CCDC17: variants seen among roughly 807,000 people sequenced by gnomAD.
The protein encoded by CCDC17 is coiled-coil domain-containing protein 17.
A neutral mutation model predicts 68.0 loss-of-function variants in CCDC17; 79 were observed. The ratio of observed to expected loss-of-function variants is 1.16; its 90% CI spans 0.97 to 1.40. The LOEUF (loss-of-function observed/expected upper bound fraction) is 1.40. Ranked by LOEUF, CCDC17 falls within the 40% of genes most tolerant of loss-of-function variation. The pLI is 0.00. For synonymous variants in CCDC17, 376 were observed against 337.5 expected (o/e 1.11, Z -1.25); for missense variants, 846 against 811.5 (o/e 1.04, Z -0.52).
intron 3 of CCDC17, 35 bp downstream of exon 3, chr1:45,623,182 G>A (rs1443323773): frequency 6.5e-7 from 1 of 1,540,538 alleles, no homozygotes; most frequent in Non-Finnish European, 8.8e-7. Flanking sequence ...CGAGGGCAGA[G>A]GAGGTCCTTG....
rs1197907111 is a variant in CCDC17, at chr1:45,620,075, T to G, written c.*200A>C. The G allele has an allele frequency of 1.9e-6, 1 of 526,502 alleles. No individual in the cohort carries two copies. Among genetic ancestry groups the G allele is most frequent in the African/African-American group, 2.0e-5 (1 of 50,008 alleles). 32.6% of individuals were successfully genotyped at this position (526,502 alleles called of 1,614,324 possible). ...ACAAACTCATTTAATCCTTAATCTG[T>G]TTTACAAAAACAGAAGAGGTACAGA... On this transcript the variant is annotated 3_prime_UTR_variant, in exon 13 of 13. Coordinates refer to ENST00000528266, the MANE Select transcript of CCDC17 (RefSeq NM_001114938.3).
At chr1:45,620,860 C>G (rs908853305) in intron 11 of CCDC17, 27 bp from the exon 12 acceptor site, 2 of 1,610,802 alleles carry the variant, frequency 1.2e-6, no homozygotes, top group Admixed American at 1.7e-5. Flanking sequence ...TGGTATTGCA[C>G]TTGTACTTTG....
chr1:45,620,626 G>T, intron 12 of CCDC17, 97 bp downstream of exon 12: 2 of 1,532,330 alleles, frequency 1.3e-6, no homozygotes, highest in South Asian at 1.2e-5. Context: ...CATTGGTAAT[G>T]ACTGGCACAC....
Position 45,621,632 on chromosome 1 carries a change from C to G in CCDC17, c.1184+6G>C. 6.2e-7 allele frequency: 1 copy of G among 1,613,122 alleles called. No individual in the cohort carries two copies. Among genetic ancestry groups the G allele is most frequent in the Non-Finnish European group, 8.5e-7 (1 of 1,179,584 alleles). ...CAGAGGCTGTCGAAGGTGGCACGGGCCTCACCCAGGATCATAGGGTGCAGG... is the reference window on the plus strand; with the variant it reads ...CAGAGGCTGTCGAAGGTGGCACGGGGCTCACCCAGGATCATAGGGTGCAGG... On this transcript the variant is annotated splice_donor_region_variant and intron_variant, in intron 9 of 12. Coordinates refer to ENST00000528266, the MANE Select transcript of CCDC17 (RefSeq NM_001114938.3).
In CCDC17 at chr1:45,621,935, G is replaced by A. The variant is rs929224473; in HGVS notation, c.1028C>T (p.Pro343Leu). The A allele has an allele frequency of 6.2e-7, 1 of 1,610,982 alleles. No homozygotes were observed. Among genetic ancestry groups the A allele is most frequent in the South Asian group, 1.1e-5 (1 of 90,412 alleles). ...ASLQPKGRRD[P>L]PLLPPPVAPP... Reference sequence around the variant, plus strand: ...TGCCACCGGTGGCGGGAGGAGTGGGGGATCTCTCCTCCCCTTCGGTTGTAG... The same window carrying A: ...TGCCACCGGTGGCGGGAGGAGTGGGAGATCTCTCCTCCCCTTCGGTTGTAG... Residue 343 changes from proline (P) to leucine (L), a missense_variant, in exon 8 of 13, where the codon CCC (proline) becomes CTC (leucine). By Grantham distance (98) the Pro-to-Leu change is moderately conservative. Coordinates refer to ENST00000528266, the MANE Select transcript of CCDC17 (RefSeq NM_001114938.3).
Position 45,624,042 on chromosome 1 carries a change from ATC to A in CCDC17, c.-135_-134del. 1 of 657,378 alleles carries A rather than the reference ATC, an allele frequency of 1.5e-6. No homozygotes were observed. Among genetic ancestry groups the A allele is most frequent in the South Asian group, 2.4e-5 (1 of 41,428 alleles). The allele number at this position is 657,378 out of a possible 1,614,324, so 40.7% of individuals were successfully genotyped here. ...AGGCCGTGTCTATTAGGTCTGTGAG[ATC>A]TTCAAGTTTGTTTGGGGAGAGCCTT... On this transcript the variant is annotated 5_prime_UTR_variant, in exon 1 of 13. Transcript: ENST00000528266.
rs1644333742 is a variant in CCDC17, at chr1:45,623,109, G to A, written c.502C>T (p.Arg168Ter). ...GTACAGGCCACAACTTGGAGGCGTC[G>A]GCTCAGTTCTGAGGGAATGCGGGCC... ...ALQLRGEELSRRLQVVACTRG... is the reference protein window; with the variant it reads ...ALQLRGEELS Residue 168 changes from arginine (R) to a stop codon, truncating the protein, a stop_gained, in exon 4 of 13, where the codon CGA becomes TGA. Coordinates refer to ENST00000528266, the MANE Select transcript of CCDC17 (RefSeq NM_001114938.3). LOFTEE classifies it high-confidence loss of function. The A allele has an allele frequency of 6.4e-7, 1 of 1,566,642 alleles. No homozygotes were observed.
rs1189951602 is a variant in CCDC17 at position 45,623,401 on chromosome 1, G to T, written c.309C>A (p.Pro103=). ...ACACCCTGGGGACCTCTGTTATCCAGGGCCGCATTTCCTGTAGGGATAGCC... is the reference window on the plus strand; with the variant it reads ...ACACCCTGGGGACCTCTGTTATCCATGGCCGCATTTCCTGTAGGGATAGCC... The part of the protein sequence containing the change: ...WLRLSLQEMR[P]WITEVPRVFA... Residue 103 remains proline (P), a synonymous_variant, in exon 3 of 13, where the codon CCC becomes CCA. Coordinates refer to ENST00000528266, the MANE Select transcript of CCDC17 (RefSeq NM_001114938.3). 1 of 1,550,554 alleles carries T rather than the reference G, an allele frequency of 6.4e-7. No individual in the cohort carries two copies. The highest frequency in any genetic ancestry group is 1.4e-5 in the African/African-American group (1 of 73,076).
At position 45,623,981 on chromosome 1, in the gene CCDC17, G is replaced by A; in HGVS notation, c.-72C>T. ...TCAAGGGCAGGGGAAAGGCAGAGGA[G>A]GATGAAAGAGACATAAAGCCAGAGG... is the stretch of plus-strand genomic sequence containing the variant. On this transcript the variant is annotated 5_prime_UTR_variant, in exon 1 of 13. Coordinates refer to ENST00000528266, the MANE Select transcript of CCDC17 (RefSeq NM_001114938.3). 9.3e-7 allele frequency: 1 copy of A among 1,076,246 alleles called. No individual in the cohort carries two copies. The highest frequency in any genetic ancestry group is 1.3e-6 in the Non-Finnish European group (1 of 758,198). The allele number at this position is 1,076,246 out of a possible 1,614,324, so 66.7% of individuals were successfully genotyped here. A position where few individuals can be genotyped will look rare whatever the true frequency, so the allele number is the denominator to read the frequency against.
At position 45,622,336 on chromosome 1, in the gene CCDC17, G is replaced by A; in HGVS notation, c.872C>T (p.Ala291Val). Residue 291 changes from alanine to valine, a missense_variant, in exon 7 of 13, where the codon GCC becomes GTC. Physicochemically the swap from Ala to Val is moderately conservative, Grantham distance 64 (BLOSUM62 0). Transcript: ENST00000528266. ...RSQTRRGRAG[A>V]TSGELPVVEA... is the part of the protein sequence containing the mutation. ...CACTACTGGAAGCTCCCCTGAGGTG[G>A]CACCTGCCCTTCCTGCGATGAACAA... 1 of 1,605,526 alleles carries A rather than the reference G, an allele frequency of 6.2e-7. No individual in the cohort carries two copies. The highest frequency in any genetic ancestry group is 1.1e-5 in the South Asian group (1 of 90,002).
rs1450274702 is a variant in CCDC17, at chr1:45,623,769, C to T, written c.141G>A (p.Gln47=). The T allele has an allele frequency of 1.9e-6, 3 of 1,551,146 alleles. No homozygotes were observed. The highest frequency in any genetic ancestry group is 2.7e-5 in the African/African-American group (2 of 73,044). Residue 47 remains glutamine (Q), a synonymous_variant, in exon 1 of 13, where the codon CAG becomes CAA. Transcript: ENST00000528266. ...HPTQEMTFGA[Q]ASVATEPQRA... ...GCTGGGGTTCAGTGGCAACTGATGC[C>T]TGTGCTCCAAATGTCATCTCTTGGG...
Position 45,623,104 on chromosome 1 carries a change from G to T in CCDC17, c.507C>A (p.Arg169=). 6.4e-7 allele frequency: 1 copy of T among 1,573,242 alleles called. No individual in the cohort carries two copies. Among genetic ancestry groups the T allele is most frequent in the African/African-American group, 1.4e-5 (1 of 73,690 alleles). Residue 169 remains arginine (R), a synonymous_variant, in exon 4 of 13, where the codon CGC becomes CGA. Coordinates refer to ENST00000528266, the MANE Select transcript of CCDC17 (RefSeq NM_001114938.3). ...CCCGCGTACAGGCCACAACTTGGAG[G>T]CGTCGGCTCAGTTCTGAGGGAATGC... ...LQLRGEELSR[R]LQVVACTRGG...
In CCDC17 at chr1:45,622,008, G is replaced by A; in HGVS notation, c.968-13C>T. On this transcript the variant is annotated splice_polypyrimidine_tract_variant and intron_variant, in intron 7 of 12. Coordinates refer to ENST00000528266, the MANE Select transcript of CCDC17 (RefSeq NM_001114938.3). ...AGATCCTGGGGCCCTAGGAGCAGAA[G>A]AGTTAGGGTGCCCCTAAGTTGGACA... The A allele has an allele frequency of 6.3e-7, 1 of 1,591,494 alleles. No individual in the cohort carries two copies. Among genetic ancestry groups the A allele is most frequent in the East Asian group, 2.3e-5 (1 of 44,152 alleles).
At chr1:45,622,692 C>T (rs545894657) in intron 5 of CCDC17, 25 bp from the exon 6 acceptor site, 1 of 1,555,596 alleles carries the variant, frequency 6.4e-7, no homozygotes, top group African/African-American at 1.4e-5. Flanking sequence ...ACAGGAAGGC[C>T]GTCTTTCCAG....
chr1:45,623,117 T>C lies in CCDC17; in HGVS notation c.494A>G (p.Glu165Gly), dbSNP rs746288045. 13 of 1,559,036 alleles carry C rather than the reference T, an allele frequency of 8.3e-6. No homozygotes were observed. In the South Asian group the frequency reaches 1.5e-4, roughly 18 times the overall value. The change falls in exon 4 of 13, where the codon GAA (glutamate) becomes GGA (glycine). Residue 165 changes from glutamate to glycine, a missense_variant and splice_region_variant. By Grantham distance (98) the Glu-to-Gly change is moderately conservative. Coordinates refer to ENST00000528266, the MANE Select transcript of CCDC17 (RefSeq NM_001114938.3). ...CACAACTTGGAGGCGTCGGCTCAGT[T>C]CTGAGGGAATGCGGGCCGAGTCAGA... is the stretch of plus-strand genomic sequence containing the variant. ...QSRALQLRGE[E>G]LSRRLQVVAC...
In CCDC17 at chr1:45,621,095, T is replaced by C; in HGVS notation, c.1407A>G (p.Ser469=). The C allele has an allele frequency of 1.2e-6, 2 of 1,613,830 alleles. No individual in the cohort carries two copies. The highest frequency in any genetic ancestry group is 1.7e-6 in the Non-Finnish European group (2 of 1,179,794). ...CCTGCAGCTCACAGACCAAAGATAC[T>C]GATGATGAGGGTGGTAGTCTGTAGA... The part of the protein sequence containing the change: ...QPVPRLPPSS[S]VSLVCELQVW... The change falls in exon 11 of 13, where the codon TCA becomes TCG. Residue 469 remains serine, a synonymous_variant. Transcript: ENST00000528266.
intron 10 of CCDC17, 33 bp from the exon 11 acceptor site, chr1:45,621,146 C>T: frequency 1.2e-6 from 2 of 1,602,802 alleles, no homozygotes; most frequent in Non-Finnish European, 1.7e-6. Flanking sequence ...TGTCGGAAGC[C>T]AGAGCTACAG....
At position 45,620,234 on chromosome 1, in the gene CCDC17, C is replaced by A. The variant is rs778785471; in HGVS notation, c.*41G>T. ...TGTAGGTCTGGAAATAGGCCCCAGT[C>A]CTGTGCATGTTCAGATGCTCATCTC... On this transcript the variant is annotated 3_prime_UTR_variant, in exon 13 of 13. Coordinates refer to ENST00000528266, the MANE Select transcript of CCDC17 (RefSeq NM_001114938.3). The A allele has an allele frequency of 8.8e-6, 14 of 1,586,944 alleles. No homozygotes were observed. The highest frequency in any genetic ancestry group is 6.0e-6 in the Non-Finnish European group (7 of 1,169,730).
chr1:45,621,205 A>G (rs1261460710), intron 10 of CCDC17, 76 bp downstream of exon 10: 3 of 1,548,260 alleles, frequency 1.9e-6, no homozygotes, highest in Non-Finnish European at 2.6e-6. Flanking sequence ...CTGTATACAG[A>G]TGAGAAAACT....
Sources: allele counts gnomAD v4.1 joint callset, GRCh38; gene constraint gnomAD v4.1.1; transcripts MANE v1.5; gene names NCBI Gene and HGNC (gene_info 2026-07-23, HGNC 2026-07-21).